Variants in LRRIQ1 observed in about 807,000 individuals in gnomAD.
The protein encoded by LRRIQ1 is leucine-rich repeat- and IQ domain-containing protein 1.
LRRIQ1 carries 210 observed loss-of-function variants against 211.9 expected under a neutral mutation model. The observed-to-expected ratio is 0.99, with a 90% CI of 0.89 to 1.11. The LOEUF (loss-of-function observed/expected upper bound fraction) is 1.11. LRRIQ1 is among the 50% of genes most tolerant of loss of function. The pLI, the probability that LRRIQ1 is intolerant of heterozygous loss-of-function variation, is 0.00. For synonymous variants in LRRIQ1, 699 were observed against 650.1 expected (o/e 1.08, Z -1.14); for missense variants, 2,136 against 1,939.5 (o/e 1.10, Z -1.90).
At chr12:85,204,969 T>G (rs759261495) in intron 24 of LRRIQ1, among the ~76,000 whole-genome samples, 1 of 152,168 alleles carries the variant, frequency 6.6e-6, no homozygotes, top group Non-Finnish European at 1.5e-5. Flanking sequence ...CGCCCAAATC[T>G]CATCTCAAAT....
chr12:85,069,934 T>C (rs1882898864), intron 10 of LRRIQ1, among the ~76,000 whole-genome samples: 2 of 152,056 alleles, frequency 1.3e-5, no homozygotes, highest in Non-Finnish European at 2.9e-5. Flanking sequence ...GCAGAAGCTC[T>C]TTAGTTTAAT....
At chr12:85,083,929 G>C (rs1467239076) in intron 11 of LRRIQ1, among the ~76,000 whole-genome samples, 5 of 152,004 alleles carry the variant, frequency 3.3e-5, no homozygotes, top group African/African-American at 1.2e-4. Flanking sequence ...TTATATGTCA[G>C]TAATTATTTT....
intron 24 of LRRIQ1, among the ~76,000 whole-genome samples, chr12:85,168,556 A>G (rs996504872): frequency 1.3e-5 from 2 of 152,086 alleles, no homozygotes; most frequent in Non-Finnish European, 2.9e-5. Context: ...ATATAATGTC[A>G]TAGGAATAGG....
At chr12:85,126,725 G>A (rs1446357243) in intron 17 of LRRIQ1, among the ~76,000 whole-genome samples, 1 of 152,044 alleles carries the variant, frequency 6.6e-6, no homozygotes, top group East Asian at 1.9e-4. Flanking sequence ...AAATGGGGAT[G>A]ATGATGTTAA....
At chr12:85,090,851 A>G (rs1885318296) in intron 11 of LRRIQ1, among the ~76,000 whole-genome samples, 1 of 152,058 alleles carries the variant, frequency 6.6e-6, no homozygotes, top group African/African-American at 2.4e-5. Context: ...GAAGGACATG[A>G]TATTTGGGAG....
In LRRIQ1 at chr12:85,193,564, G is replaced by T. The variant is rs1174893935; in HGVS notation, c.4822+32850G>T. Among the ~76,000 whole-genome samples the T allele has an allele frequency of 8.7e-3, 1,270 of 146,470 alleles. 17 individuals are homozygous for T. The highest frequency in any genetic ancestry group is 0.031 in the African/African-American group (1,226 of 39,828). On this transcript the variant is annotated intron_variant, in intron 24 of 26. Transcript: ENST00000393217. ...TTTTCAACCCAGAATTTCATATCCAGCCAAACTAAGCTTCATAAGTGAAGG... is the reference window on the plus strand; with the variant it reads ...TTTTCAACCCAGAATTTCATATCCATCCAAACTAAGCTTCATAAGTGAAGG...
chr12:85,081,652 T>C (rs973743920), intron 11 of LRRIQ1, among the ~76,000 whole-genome samples: 1 of 152,002 alleles, frequency 6.6e-6, no homozygotes, highest in Non-Finnish European at 1.5e-5. Flanking sequence ...GAAAACATAA[T>C]GATTATTTTT....
intron 11 of LRRIQ1, among the ~76,000 whole-genome samples, chr12:85,097,507 T>C (rs1425297980): frequency 1.3e-5 from 2 of 150,112 alleles, no homozygotes; most frequent in East Asian, 4.0e-4. Context: ...GAACATGCGG[T>C]GTTTGGTTTT....
chr12:85,224,118 ATTAT>A (rs1477362562), intron 24 of LRRIQ1, among the ~76,000 whole-genome samples: 2 of 148,728 alleles, frequency 1.3e-5, no homozygotes, highest in South Asian at 2.1e-4. Flanking sequence ...AAATGGATTA[ATTAT>A]TTATGCAGAC....
At chr12:85,233,582 A>G (rs1394564176) in intron 26 of LRRIQ1, among the ~76,000 whole-genome samples, 9 of 152,190 alleles carry the variant, frequency 5.9e-5, no homozygotes, top group South Asian at 2.1e-4. Context: ...TGAAATGAGT[A>G]TTATGATTTC....
intron 15 of LRRIQ1, among the ~76,000 whole-genome samples, chr12:85,121,200 T>C (rs1249962634): frequency 1.3e-5 from 2 of 152,150 alleles, no homozygotes; most frequent in Non-Finnish European, 2.9e-5. Flanking sequence ...GGAGAAAATA[T>C]AATTGTAGAT....
chr12:85,127,558 C>G, intron 17 of LRRIQ1, among the ~76,000 whole-genome samples: 1 of 152,152 alleles, frequency 6.6e-6, no homozygotes, highest in East Asian at 1.9e-4. Context: ...CAGAATGATA[C>G]AAGATCTCTA....
intron 3 of LRRIQ1, among the ~76,000 whole-genome samples, chr12:85,042,744 A>G (rs991541902): frequency 2.0e-5 from 3 of 151,942 alleles, no homozygotes; most frequent in African/African-American, 4.8e-5. Context: ...AATCAATAAT[A>G]TGGCAAAGAG....
At chr12:85,181,982 A>T (rs892266179) in intron 24 of LRRIQ1, among the ~76,000 whole-genome samples, 1 of 152,058 alleles carries the variant, frequency 6.6e-6, no homozygotes, top group Non-Finnish European at 1.5e-5. Context: ...TTATTGAAAT[A>T]TTGAGAAAGC....
chr12:85,177,460 G>C (rs1565886221), intron 24 of LRRIQ1, among the ~76,000 whole-genome samples: 1 of 151,930 alleles, frequency 6.6e-6, no homozygotes, highest in African/African-American at 2.4e-5. Context: ...GAGTTTGAAG[G>C]CTGAGTAAAA....
chr12:85,138,117 T>A (rs1297801656), intron 19 of LRRIQ1, 148 bp downstream of exon 19: 6 of 547,332 alleles, frequency 1.1e-5, no homozygotes, highest in Non-Finnish European at 1.6e-5. Context: ...TAACATCATC[T>A]TCTTTTATCC....
At chr12:85,103,734 T>C (rs1008128729) in intron 13 of LRRIQ1, among the ~76,000 whole-genome samples, 6 of 151,878 alleles carry the variant, frequency 4.0e-5, no homozygotes, top group Middle Eastern at 3.5e-3. Flanking sequence ...TTTTTGTGAT[T>C]GAAATTAGTA....
At chr12:85,271,947 G>C in the LRRIQ1 span, among the ~76,000 whole-genome samples, 1 of 151,976 alleles carries the variant, frequency 6.6e-6, no homozygotes, top group Non-Finnish European at 1.5e-5. Context: ...TTAAGTTTTT[G>C]GTGAAAATAT....
intron 3 of LRRIQ1, among the ~76,000 whole-genome samples, chr12:85,041,812 T>G (rs897516475): frequency 6.6e-6 from 1 of 151,884 alleles, no homozygotes; most frequent in Non-Finnish European, 1.5e-5. Context: ...ACAAGACTAT[T>G]GCAATAATAT....
Sources: gnomAD v4.1 joint callset for allele counts (sites outside exome capture counted in the v4.1 genomes callset) on GRCh38, gnomAD v4.1.1 for gene constraint, MANE v1.5 for transcripts, NCBI Gene and HGNC (gene_info 2026-07-23, HGNC 2026-07-21) for gene names.